OR51E1: variants seen among roughly 807,000 people sequenced by gnomAD.
OR51E1 encodes olfactory receptor 51E1.
In OR51E1, 9 loss-of-function variants were observed where a neutral mutation model predicts 11.5. That is an observed-to-expected ratio of 0.78 (90% CI 0.47 to 1.37). The LOEUF (loss-of-function observed/expected upper bound fraction) is 1.37. Ranked by LOEUF, OR51E1 falls within the 40% of genes most tolerant of loss-of-function variation. The pLI is 0.00. For synonymous variants in OR51E1, 168 were observed against 158.3 expected (o/e 1.06, Z -0.46); for missense variants, 397 against 410.2 (o/e 0.97, Z 0.28).
At chr11:4,644,537 G>A (rs1426079899) in intron 1 of OR51E1, among the ~76,000 whole-genome samples, 1 of 152,054 alleles carries the variant, frequency 6.6e-6, no homozygotes, top group Non-Finnish European at 1.5e-5. Context: ...CTGGGACTTA[G>A]TAATCTTCCT....
chr11:4,646,538 T>C (rs1294673368), intron 1 of OR51E1, among the ~76,000 whole-genome samples: 1 of 152,218 alleles, frequency 6.6e-6, no homozygotes, highest in African/African-American at 2.4e-5. Context: ...ATGGGATTAA[T>C]GATATCTGCT....
rs1365446528 is a variant in OR51E1, at chr11:4,654,966, A to G, written c.*1483A>G. On this transcript the variant is annotated 3_prime_UTR_variant, in exon 2 of 2. Coordinates refer to ENST00000396952, the MANE Select transcript of OR51E1 (RefSeq NM_152430.4). Reference sequence around the variant, plus strand: ...GCTTTCATCCCCTTTTGTAATGGATATCATATTTGGAAATGCCTATTTAAT... The same window carrying G: ...GCTTTCATCCCCTTTTGTAATGGATGTCATATTTGGAAATGCCTATTTAAT... 6.0e-6 allele frequency: 1 copy of G among 167,056 alleles called. No homozygotes were observed. Among genetic ancestry groups the G allele is most frequent in the Admixed American group, 6.5e-5 (1 of 15,286 alleles). The allele number at this position is 167,056 out of a possible 1,614,324, so 10.3% of individuals were successfully genotyped here.
At chr11:4,651,337 A>C (rs1206872848) in intron 1 of OR51E1, among the ~76,000 whole-genome samples, 1 of 152,170 alleles carries the variant, frequency 6.6e-6, no homozygotes, top group Non-Finnish European at 1.5e-5. Flanking sequence ...GAGGGAGTAC[A>C]TGGCCATGAG....
chr11:4,645,361 C>T (rs1282267330), intron 1 of OR51E1, among the ~76,000 whole-genome samples: 1 of 152,232 alleles, frequency 6.6e-6, no homozygotes, highest in African/African-American at 2.4e-5. Context: ...ACTGCCATGG[C>T]TTAAATGTCA....
At position 4,653,217 on chromosome 11, in the gene OR51E1, T is replaced by C. The variant is rs1487727072; in HGVS notation, c.691T>C (p.Leu231=). 1.2e-6 allele frequency: 2 copies of C among 1,614,002 alleles called. No homozygotes were observed. The highest frequency in any genetic ancestry group is 1.7e-6 in the Non-Finnish European group (2 of 1,179,954). The stretch of plus-strand genomic sequence containing the variant: ...GCTTATTCTTAAGACTGTGTTGGGC[T>C]TGACACGTGAAGCCCAGGCCAAGGC... ...YLLILKTVLG[L]TREAQAKAFG... Residue 231 remains leucine, a synonymous_variant, in exon 2 of 2, where the codon TTG becomes CTG. Coordinates refer to ENST00000396952, the MANE Select transcript of OR51E1 (RefSeq NM_152430.4).
intron 1 of OR51E1, among the ~76,000 whole-genome samples, chr11:4,645,010 C>T (rs920740154): frequency 2.0e-5 from 3 of 152,144 alleles, no homozygotes; most frequent in African/African-American, 7.2e-5. Context: ...TTCCCTGGAT[C>T]TTAGAATGGC....
At chr11:4,648,455 A>G (rs1206459874) in intron 1 of OR51E1, among the ~76,000 whole-genome samples, 1 of 152,184 alleles carries the variant, frequency 6.6e-6, no homozygotes, top group Non-Finnish European at 1.5e-5. Flanking sequence ...ATTTCTTTAG[A>G]CATGCCTTAT....
intron 1 of OR51E1, among the ~76,000 whole-genome samples, chr11:4,645,427 G>T (rs1470311008): frequency 2.0e-5 from 3 of 152,164 alleles, no homozygotes; most frequent in Non-Finnish European, 4.4e-5. Flanking sequence ...TGTTGTCTTT[G>T]CTTCTGAGGC....
At chr11:4,651,652 G>T (rs1305085455) in intron 1 of OR51E1, among the ~76,000 whole-genome samples, 1 of 152,202 alleles carries the variant, frequency 6.6e-6, no homozygotes, top group African/African-American at 2.4e-5. Context: ...TCAATGCTCA[G>T]TGCAGATGGG....
rs867460618 is a variant in OR51E1, at chr11:4,653,080, A to G, written c.554A>G (p.Gln185Arg). ...NILSHSYCLH[Q>R]DVMKLACDDI... ...CTTTCCCATTCCTACTGCCTACACC[A>G]AGATGTCATGAAGCTGGCCTGTGAT... Residue 185 changes from glutamine (Q) to arginine (R), a missense_variant, in exon 2 of 2, where the codon CAA (glutamine) becomes CGA (arginine). Physicochemically the swap from Gln to Arg is conservative, Grantham distance 43. Transcript: ENST00000396952. 1.2e-6 allele frequency: 2 copies of G among 1,613,878 alleles called. No homozygotes were observed. Among genetic ancestry groups the G allele is most frequent in the Non-Finnish European group, 8.5e-7 (1 of 1,179,928 alleles).
At position 4,653,420 on chromosome 11, in the gene OR51E1, A is replaced by G; in HGVS notation, c.894A>G (p.Thr298=). 6.2e-7 allele frequency: 1 copy of G among 1,614,160 alleles called. No individual in the cohort carries two copies. The highest frequency in any genetic ancestry group is 8.5e-7 in the Non-Finnish European group (1 of 1,179,984). ...ACCCAATTGTCTATGGAGTGAAGAC[A>G]AAGGAGATTCGACAGCGCATCCTTC... ...VLNPIVYGVK[T]KEIRQRILRL... The change falls in exon 2 of 2, where the codon ACA becomes ACG. Residue 298 remains threonine, a synonymous_variant. Transcript: ENST00000396952.
chr11:4,654,126 G>A lies in OR51E1; in HGVS notation c.*643G>A, dbSNP rs1418539273. ...ATTTTCTTATCAACCCTTTAATTAG[G>A]CAAAGATATTATTAGTACCCTCATT... On this transcript the variant is annotated 3_prime_UTR_variant, in exon 2 of 2. Coordinates refer to ENST00000396952, the MANE Select transcript of OR51E1 (RefSeq NM_152430.4). 6.0e-6 allele frequency: 1 copy of A among 166,830 alleles called. No homozygotes were observed. The highest frequency in any genetic ancestry group is 1.5e-5 in the Non-Finnish European group (1 of 68,098). 10.3% of individuals were successfully genotyped at this position (166,830 alleles called of 1,614,324 possible). A position where few individuals can be genotyped will look rare whatever the true frequency, so the allele number is the denominator to read the frequency against.
At position 4,654,912 on chromosome 11, in the gene OR51E1, A is replaced by T. The variant is rs1395839528; in HGVS notation, c.*1429A>T. 6.0e-6 allele frequency: 1 copy of T among 167,200 alleles called. No homozygotes were observed. The highest frequency in any genetic ancestry group is 1.9e-4 in the East Asian group (1 of 5,194). The allele number at this position is 167,200 out of a possible 1,614,324, so 10.4% of individuals were successfully genotyped here. ...AGTTTCATTTTCTTTTTCAATCCTC[A>T]GGTTCCCTGATATGGATTCCTATAA... On this transcript the variant is annotated 3_prime_UTR_variant, in exon 2 of 2. Transcript: ENST00000396952.
chr11:4,652,739 C>T lies in OR51E1; in HGVS notation c.213C>T (p.Gly71=). ...PMYIFLCMLS[G]IDILISTSSM... ...ATATATTTCTTTGCATGCTTTCAGG[C>T]ATTGACATCCTCATCTCCACCTCAT... Residue 71 remains glycine, a synonymous_variant, in exon 2 of 2, where the codon GGC becomes GGT. Transcript: ENST00000396952. 1.2e-6 allele frequency: 2 copies of T among 1,614,134 alleles called. No homozygotes were observed. Among genetic ancestry groups the T allele is most frequent in the Non-Finnish European group, 1.7e-6 (2 of 1,179,970 alleles).
Position 4,653,123 on chromosome 11 carries a change from C to T in OR51E1, c.597C>T (p.Val199=), listed in dbSNP as rs760197684. The change falls in exon 2 of 2, where the codon GTC becomes GTT. Residue 199 remains valine (V), a synonymous_variant. Coordinates refer to ENST00000396952, the MANE Select transcript of OR51E1 (RefSeq NM_152430.4). ...KLACDDIRVN[V]VYGLIVIISA... is the part of the protein sequence containing the mutation. ...CCTGTGATGATATCCGGGTCAATGTCGTCTATGGCCTTATCGTCATCATCT... is the reference window on the plus strand; with the variant it reads ...CCTGTGATGATATCCGGGTCAATGTTGTCTATGGCCTTATCGTCATCATCT... 9 of 1,613,402 alleles carry T rather than the reference C, an allele frequency of 5.6e-6. No individual in the cohort carries two copies. Among genetic ancestry groups the T allele is most frequent in the Non-Finnish European group, 7.6e-6 (9 of 1,179,504 alleles).
At chr11:4,651,720 A>G (rs1847100948) in intron 1 of OR51E1, among the ~76,000 whole-genome samples, 1 of 152,224 alleles carries the variant, frequency 6.6e-6, no homozygotes, top group African/African-American at 2.4e-5. Flanking sequence ...GGTATCCACT[A>G]GAGCCATCAT....
chr11:4,650,701 A>G (rs538530762), intron 1 of OR51E1, among the ~76,000 whole-genome samples: 231 of 152,274 alleles, frequency 1.5e-3, no homozygotes, highest in Non-Finnish European at 2.6e-3. Flanking sequence ...ACCAGTGCAG[A>G]AACCCCTATC....
Position 4,653,296 on chromosome 11 carries a change from T to C in OR51E1, c.770T>C (p.Phe257Ser), listed in dbSNP as rs561591708. ...VCAVFIFYVP[F>S]IGLSMVHRFS... Reference sequence around the variant, plus strand: ...GCTGTGTTCATATTCTATGTACCTTTCATTGGATTGTCCATGGTGCATCGC... The same window carrying C: ...GCTGTGTTCATATTCTATGTACCTTCCATTGGATTGTCCATGGTGCATCGC... Residue 257 changes from phenylalanine (F) to serine (S), a missense_variant, in exon 2 of 2, where the codon TTC becomes TCC. By Grantham distance (155) the Phe-to-Ser change is radical. Coordinates refer to ENST00000396952, the MANE Select transcript of OR51E1 (RefSeq NM_152430.4). 1 of 1,614,208 alleles carries C rather than the reference T, an allele frequency of 6.2e-7. No homozygotes were observed. The highest frequency in any genetic ancestry group is 2.2e-5 in the East Asian group (1 of 44,892).
Position 4,654,501 on chromosome 11 carries a change from A to C in OR51E1, c.*1018A>C, listed in dbSNP as rs1479507148. 4 of 167,082 alleles carry C rather than the reference A, an allele frequency of 2.4e-5. No homozygotes were observed. The highest frequency in any genetic ancestry group is 9.6e-5 in the African/African-American group (4 of 41,454). The allele number at this position is 167,082 out of a possible 1,614,324, so 10.3% of individuals were successfully genotyped here. On this transcript the variant is annotated 3_prime_UTR_variant, in exon 2 of 2. Coordinates refer to ENST00000396952, the MANE Select transcript of OR51E1 (RefSeq NM_152430.4). ...CCATTATGGAAGATTCTTATTCAGA[A>C]AGTCTGCATAGGGCTTATAGCAAGT...
Sources: allele counts gnomAD v4.1 joint callset (sites outside exome capture counted in the v4.1 genomes callset), GRCh38; gene constraint gnomAD v4.1.1; transcripts MANE v1.5; gene names NCBI Gene and HGNC (gene_info 2026-07-23, HGNC 2026-07-21).